Variants in GCNT2 observed in about 807,000 individuals in gnomAD.
The protein encoded by GCNT2 is N-acetyllactosaminide beta-1,6-N-acetylglucosaminyl-transferase.
GCNT2 carries 34 observed loss-of-function variants against 34.2 expected under a neutral mutation model. The observed-to-expected ratio is 1.00, with a 90% CI of 0.76 to 1.32. GCNT2 has a LOEUF of 1.32. GCNT2 is among the 40% of genes most tolerant of loss of function. The probability of loss-of-function intolerance (pLI) is 0.00; values close to 1 mark genes in which losing one functional copy is unlikely to be tolerated. For synonymous variants in GCNT2, 212 were observed against 188.0 expected, an observed-to-expected ratio of 1.13 and a Z score of -1.04; for missense variants, 584 against 489.4, an observed-to-expected ratio of 1.19 and a Z score of -1.82.
At chr6:10,523,649 CT>C (rs1458306083) in intron 1 of GCNT2, among the ~76,000 whole-genome samples, 1 of 151,944 alleles carries the variant, frequency 6.6e-6, no homozygotes, top group East Asian at 1.9e-4. Context: ...CCAGCATGGC[CT>C]GGAGATTGCT....
rs775851598 is a variant in GCNT2, at chr6:10,529,334, ACAGTTACT to A, written c.427_434del (p.Ser145ProfsTer23). The A allele has an allele frequency of 2.4e-5, 38 of 1,614,078 alleles. No homozygotes were observed. The East Asian group carries it at 8.2e-4, about 35-fold the overall frequency. ...CGGATGCCTTTAAAGGTGCAGTGAA[ACAGTTACT>A]CAGCTGCTTCCCAAATGCTTTTCTG... On this transcript the variant is annotated frameshift_variant, in exon 3 of 5. Transcript: ENST00000495262. LOFTEE classifies it high-confidence loss of function.
intron 3 of GCNT2, among the ~76,000 whole-genome samples, chr6:10,569,022 A>G (rs887991894): frequency 2.6e-5 from 4 of 151,988 alleles, no homozygotes; most frequent in Non-Finnish European, 5.9e-5. Context: ...ATTAATGTGA[A>G]TATCGTATTA....
intron 3 of GCNT2, among the ~76,000 whole-genome samples, chr6:10,557,635 A>C (rs926597424): frequency 2.6e-5 from 4 of 151,918 alleles, no homozygotes; most frequent in African/African-American, 9.7e-5. Context: ...CTACAGGTGC[A>C]CACCACCATA....
chr6:10,594,271 G>T (rs1764758779), intron 3 of GCNT2, among the ~76,000 whole-genome samples: 1 of 152,168 alleles, frequency 6.6e-6, no homozygotes, highest in South Asian at 2.1e-4. Context: ...ACAGAGACTG[G>T]CACATGTATA....
At chr6:10,578,792 A>G (rs1041946277) in intron 3 of GCNT2, among the ~76,000 whole-genome samples, 2 of 152,172 alleles carry the variant, frequency 1.3e-5, no homozygotes, top group African/African-American at 2.4e-5. Context: ...AAGGATAAGC[A>G]TACAAAAATG....
At chr6:10,603,920 G>A (rs1259636731) in intron 3 of GCNT2, among the ~76,000 whole-genome samples, 1 of 146,006 alleles carries the variant, frequency 6.8e-6, no homozygotes, top group African/African-American at 2.5e-5. Flanking sequence ...GTTTTGAGAT[G>A]GAGTCTTGCT....
intron 3 of GCNT2, among the ~76,000 whole-genome samples, 165 bp from the exon 4 acceptor site, chr6:10,621,186 C>T (rs1766018084): frequency 6.6e-6 from 1 of 152,168 alleles, no homozygotes; most frequent in Non-Finnish European, 1.5e-5. Flanking sequence ...AAAAGATCAA[C>T]TGGAGGAAAC....
intron 3 of GCNT2, chr6:10,556,950 C>G (rs142662339): frequency 8.1e-6 from 13 of 1,614,138 alleles, no homozygotes; most frequent in Non-Finnish European, 1.1e-5. Flanking sequence ...AGAGATCTTT[C>G]TGCCTTCGAG....
intron 3 of GCNT2, among the ~76,000 whole-genome samples, chr6:10,578,863 T>C (rs1763943741): frequency 1.3e-5 from 2 of 152,204 alleles, no homozygotes; most frequent in African/African-American, 4.8e-5. Context: ...TGAGCACTTG[T>C]TTAAGGCAGA....
At chr6:10,569,089 G>A (rs927841069) in intron 3 of GCNT2, among the ~76,000 whole-genome samples, 1 of 152,056 alleles carries the variant, frequency 6.6e-6, no homozygotes, top group Admixed American at 6.5e-5. Flanking sequence ...GTCCAGCATA[G>A]TGAGCATTCA....
chr6:10,560,237 C>CA (rs1762913784), intron 3 of GCNT2, among the ~76,000 whole-genome samples: 1 of 152,110 alleles, frequency 6.6e-6, no homozygotes. Flanking sequence ...TATAGGCCCC[C>CA]ACCATCACGC....
At chr6:10,616,140 G>A (rs893367710) in intron 3 of GCNT2, among the ~76,000 whole-genome samples, 3 of 149,920 alleles carry the variant, frequency 2.0e-5, no homozygotes, top group Non-Finnish European at 4.5e-5. Context: ...TGGGTTCGTG[G>A]TCTCGCTAGC....
chr6:10,586,133 C>G, intron 3 of GCNT2: 1 of 1,614,150 alleles, frequency 6.2e-7, no homozygotes, highest in South Asian at 1.1e-5. Flanking sequence ...GGAAAACTGC[C>G]TGTAATCACG....
At chr6:10,625,942 G>A (rs1425190224) in intron 4 of GCNT2, among the ~76,000 whole-genome samples, 1 of 152,140 alleles carries the variant, frequency 6.6e-6, no homozygotes, top group African/African-American at 2.4e-5. Context: ...AAAGTTCTGT[G>A]AATAAAAAAG....
At chr6:10,556,317 G>A in intron 3 of GCNT2, 4 of 1,577,524 alleles carry the variant, frequency 2.5e-6, no homozygotes, top group Non-Finnish European at 3.4e-6. Context: ...AACAGGGCAG[G>A]AGTGAGTGGA....
intron 3 of GCNT2, among the ~76,000 whole-genome samples, chr6:10,553,466 G>C (rs1762563872): frequency 6.6e-6 from 1 of 152,236 alleles, no homozygotes; most frequent in Non-Finnish European, 1.5e-5. Flanking sequence ...TGAGCACATG[G>C]AGGAGGGCAA....
intron 3 of GCNT2, among the ~76,000 whole-genome samples, chr6:10,568,350 G>A (rs1461119216): frequency 1.3e-5 from 2 of 151,910 alleles, no homozygotes; most frequent in African/African-American, 4.8e-5. Context: ...CCCACTTCTG[G>A]TACCCCAGGA....
intron 3 of GCNT2, among the ~76,000 whole-genome samples, chr6:10,577,642 G>C (rs1406247672): frequency 6.6e-6 from 1 of 152,178 alleles, no homozygotes; most frequent in Non-Finnish European, 1.5e-5. Flanking sequence ...CTGGGTTCAA[G>C]TGATTCTCCT....
At position 10,558,886 on chromosome 6, in the gene GCNT2, C is replaced by T. The variant is rs372284146; in HGVS notation, c.925+29050C>T. Among the ~76,000 whole-genome samples the T allele has an allele frequency of 5.6e-4, 86 of 152,320 alleles. 2 individuals are homozygous for T. The South Asian group carries it at 0.013, about 23-fold the overall frequency. On this transcript the variant is annotated intron_variant, in intron 3 of 4. Coordinates refer to ENST00000495262, the MANE Select transcript of GCNT2 (RefSeq NM_145649.5). ...CTCTTCACCTTTGATCTGTTGTTTC[C>T]ACCATTCGCATATCATTGAGGAGCA...
Sources: gnomAD v4.1 joint callset for allele counts (sites outside exome capture counted in the v4.1 genomes callset) on GRCh38, gnomAD v4.1.1 for gene constraint, MANE v1.5 for transcripts, NCBI Gene and HGNC (gene_info 2026-07-23, HGNC 2026-07-21) for gene names.